Variants in NADSYN1 observed in about 807,000 individuals in gnomAD.
The protein encoded by NADSYN1 is NAD synthetase 1, also known as glutamine-dependent NAD(+) synthetase.
NADSYN1 carries 80 observed loss-of-function variants against 99.3 expected under a neutral mutation model. The ratio of observed to expected loss-of-function variants is 0.81; its 90% confidence interval spans 0.67 to 0.97. NADSYN1 has a LOEUF of 0.97. Ranked by LOEUF, NADSYN1 falls within the 50% of genes least tolerant of loss-of-function variation. NADSYN1 has a pLI of 0.00. For synonymous variants in NADSYN1, 385 were observed against 372.1 expected (o/e 1.03, Z -0.40); for missense variants, 859 against 948.5 (o/e 0.91, Z 1.24).
At chr11:71,473,018 G>T (rs866824910) in intron 6 of NADSYN1, among the ~76,000 whole-genome samples, 1 of 152,188 alleles carries the variant, frequency 6.6e-6, no homozygotes, top group African/African-American at 2.4e-5. Flanking sequence ...CAGCCCCATC[G>T]ATGTCCGTGA....
intron 17 of NADSYN1, 26 bp from the exon 18 acceptor site, chr11:71,491,808 C>G (rs1949781031): frequency 2.5e-6 from 4 of 1,612,184 alleles, no homozygotes; most frequent in Non-Finnish European, 3.4e-6. Flanking sequence ...GCTGCACTGA[C>G]CGACCTCTGT....
chr11:71,468,618 T>C (rs1949608741), intron 5 of NADSYN1, among the ~76,000 whole-genome samples: 2 of 152,180 alleles, frequency 1.3e-5, no homozygotes, highest in Non-Finnish European at 2.9e-5. Flanking sequence ...GTAGAAAAAG[T>C]AGGACTCAGA....
intron 16 of NADSYN1, among the ~76,000 whole-genome samples, chr11:71,488,440 C>G (rs1949758478): frequency 6.6e-6 from 1 of 152,024 alleles, no homozygotes; most frequent in Non-Finnish European, 1.5e-5. Context: ...GTCATGACTC[C>G]CCCAGGACTG....
At chr11:71,470,557 A>T (rs768943939) in intron 5 of NADSYN1, among the ~76,000 whole-genome samples, 1 of 152,220 alleles carries the variant, frequency 6.6e-6, no homozygotes, top group Non-Finnish European at 1.5e-5. Context: ...AAATTAATCC[A>T]TAAAGGAAGT....
chr11:71,495,928 G>A (rs1362572519), intron 18 of NADSYN1, among the ~76,000 whole-genome samples: 5 of 152,210 alleles, frequency 3.3e-5, no homozygotes, highest in Non-Finnish European at 7.3e-5. Flanking sequence ...TATGAGCCTC[G>A]GGGTAAAATC....
At chr11:71,500,858 CA>C (rs1949852332) in intron 20 of NADSYN1, among the ~76,000 whole-genome samples, 2 of 152,128 alleles carry the variant, frequency 1.3e-5, no homozygotes, top group South Asian at 4.1e-4. Flanking sequence ...GTCCCTGGGT[CA>C]CCAGGCAGTG....
rs376175642 is a variant in NADSYN1 at position 71,486,297 on chromosome 11, A to G, written c.1562+649A>G. Among the ~76,000 whole-genome samples the G allele has an allele frequency of 1.2e-4, 18 of 152,110 alleles. No homozygotes were observed. In the East Asian group the frequency reaches 3.1e-3, roughly 26 times the overall value. On this transcript the variant is annotated intron_variant, in intron 16 of 20. Coordinates refer to ENST00000319023, the MANE Select transcript of NADSYN1 (RefSeq NM_018161.5). Reference sequence around the variant, plus strand: ...TGTCTATGCATCCATCTATCCATCCATCAGTTGGGCCATCCATCTATCCAC... The same window carrying G: ...TGTCTATGCATCCATCTATCCATCCGTCAGTTGGGCCATCCATCTATCCAC...
At chr11:71,455,014 T>TG (rs60782422) in intron 1 of NADSYN1, 96 bp from the exon 2 acceptor site, 582,719 of 885,234 alleles carry the variant, frequency 0.66, 206,945 homozygotes, top group Non-Finnish European at 0.76. Flanking sequence ...GTTTGTTTTT[T>TG]TTTTTATCCT....
intron 5 of NADSYN1, among the ~76,000 whole-genome samples, chr11:71,468,320 G>A (rs1949606677): frequency 6.6e-6 from 1 of 152,212 alleles, no homozygotes; most frequent in Non-Finnish European, 1.5e-5. Context: ...AAATGGGACT[G>A]TATGAAACAT....
intron 16 of NADSYN1, among the ~76,000 whole-genome samples, chr11:71,490,586 G>A (rs1334017947): frequency 3.3e-5 from 5 of 152,140 alleles, no homozygotes; most frequent in Admixed American, 2.0e-4. Flanking sequence ...CTGTTCAGAC[G>A]ACTGCTCCCA....
At chr11:71,493,291 T>C (rs1949796324) in intron 18 of NADSYN1, among the ~76,000 whole-genome samples, 1 of 152,254 alleles carries the variant, frequency 6.6e-6, no homozygotes. Context: ...TTTTTGATAC[T>C]CTGGTGAGTG....
At chr11:71,479,927 A>T (rs1362931506) in intron 10 of NADSYN1, 1 of 152,248 alleles carries the variant, frequency 6.6e-6, no homozygotes, top group Non-Finnish European at 1.5e-5. Context: ...GCTGTAGCTT[A>T]TCCCTTTGTA....
chr11:71,466,740 G>A (rs929476082), intron 5 of NADSYN1: 5 of 152,198 alleles, frequency 3.3e-5, no homozygotes, highest in Admixed American at 6.5e-5. Context: ...TCCAGAACCG[G>A]AATGACCCTC....
At chr11:71,474,990 CAG>C in intron 9 of NADSYN1, 1 of 213,080 alleles carries the variant, frequency 4.7e-6, no homozygotes. Context: ...TGCTCAGGAA[CAG>C]AGGGGACGGC....
chr11:71,497,505 C>T lies in NADSYN1; in HGVS notation c.1787C>T (p.Ala596Val), dbSNP rs371881712. ...CAGGAAGATATGGGGATGACATATGCGGAGCTCTCGGTCTATGGGAAACTC... is the reference window on the plus strand; with the variant it reads ...CAGGAAGATATGGGGATGACATATGTGGAGCTCTCGGTCTATGGGAAACTC... ...TDEEDMGMTYAELSVYGKLRK... is the reference protein window; with the variant it reads ...TDEEDMGMTYVELSVYGKLRK... Residue 596 changes from alanine (A) to valine (V), a missense_variant, in exon 19 of 21, where the codon GCG (alanine) becomes GTG (valine). Ala to Val is a moderately conservative substitution (Grantham distance 64). Coordinates refer to ENST00000319023, the MANE Select transcript of NADSYN1 (RefSeq NM_018161.5). The T allele has an allele frequency of 1.5e-5, 24 of 1,613,978 alleles. No homozygotes were observed. In the South Asian group the frequency reaches 1.9e-4, roughly 13 times the overall value.
In NADSYN1 at chr11:71,464,036, T is replaced by G; in HGVS notation, c.318-17T>G. ...CTCAGGAGCCCGGTGTGCACAGCCC[T>G]GTTCCCCTGTCTGCAGGAAGATCCT... On this transcript the variant is annotated splice_polypyrimidine_tract_variant and intron_variant, in intron 4 of 20. Transcript: ENST00000319023. 1 of 1,601,000 alleles carries G rather than the reference T, an allele frequency of 6.2e-7. No homozygotes were observed. Among genetic ancestry groups the G allele is most frequent in the South Asian group, 1.1e-5 (1 of 89,338 alleles).
At chr11:71,472,585 T>G in intron 6 of NADSYN1, 85 bp downstream of exon 6, 1 of 1,308,440 alleles carries the variant, frequency 7.6e-7, no homozygotes. Flanking sequence ...GGGAACGCTT[T>G]GGGATCCAGG....
intron 1 of NADSYN1, among the ~76,000 whole-genome samples, chr11:71,454,810 T>G (rs937428170): frequency 7.2e-5 from 11 of 152,210 alleles, no homozygotes; most frequent in Non-Finnish European, 1.0e-4. Context: ...TCCATGGTGC[T>G]AAGGGTCAGA....
intron 3 of NADSYN1, 192 bp downstream of exon 3, chr11:71,458,736 G>C: frequency 1.8e-6 from 1 of 555,146 alleles, no homozygotes; most frequent in Non-Finnish European, 3.3e-6. Context: ...CTGCAAGGAG[G>C]GAGCTCCTGA....
Sources: allele counts gnomAD v4.1 joint callset (sites outside exome capture counted in the v4.1 genomes callset), GRCh38; gene constraint gnomAD v4.1.1; transcripts MANE v1.5; gene names NCBI Gene and HGNC (gene_info 2026-07-23, HGNC 2026-07-21).